ADAMTSL1: variants seen among roughly 807,000 people sequenced by gnomAD.
ADAMTSL1 encodes ADAMTS-like protein 1.
A neutral mutation model predicts 201.8 loss-of-function variants in ADAMTSL1; 126 were observed. The observed-to-expected ratio is 0.62, with a 90% CI of 0.54 to 0.72. The LOEUF (loss-of-function observed/expected upper bound fraction) is 0.72. ADAMTSL1 is among the 30% of genes least tolerant of loss of function. The pLI is 0.00. For synonymous variants in ADAMTSL1, 1,121 were observed against 903.4 expected (o/e 1.24, Z -4.32); for missense variants, 2,679 against 2,277.8 (o/e 1.18, Z -3.59).
intron 20 of ADAMTSL1, among the ~76,000 whole-genome samples, chr9:18,814,824 T>A (rs1411276773): frequency 6.6e-6 from 1 of 152,132 alleles, no homozygotes; most frequent in Admixed American, 6.5e-5. Context: ...CAAACCCCCA[T>A]GACACAAGGT....
intron 2 of ADAMTSL1, among the ~76,000 whole-genome samples, chr9:18,204,770 C>A (rs1434667696): frequency 6.6e-6 from 1 of 152,070 alleles, no homozygotes; most frequent in Non-Finnish European, 1.5e-5. Context: ...CAATTAGAGG[C>A]TATCCAAAGG....
chr9:18,402,080 G>A (rs530778386), intron 2 of ADAMTSL1, among the ~76,000 whole-genome samples: 20 of 152,144 alleles, frequency 1.3e-4, no homozygotes, highest in Admixed American at 1.2e-3. Flanking sequence ...AGTTATCACC[G>A]AAATCTCTGC....
At chr9:18,595,977 CT>C (rs1329464362) in intron 4 of ADAMTSL1, among the ~76,000 whole-genome samples, 1 of 152,164 alleles carries the variant, frequency 6.6e-6, no homozygotes, top group East Asian at 1.9e-4. Flanking sequence ...AACAGAGAGA[CT>C]TTTTACTGTG....
chr9:18,834,920 G>A (rs1040063096), intron 23 of ADAMTSL1, among the ~76,000 whole-genome samples: 1 of 152,182 alleles, frequency 6.6e-6, no homozygotes, highest in Non-Finnish European at 1.5e-5. Flanking sequence ...CAAATCTGCT[G>A]TGAAATTCAT....
At chr9:18,732,582 C>G (rs1418224058) in intron 15 of ADAMTSL1, among the ~76,000 whole-genome samples, 1 of 152,034 alleles carries the variant, frequency 6.6e-6, no homozygotes. Context: ...CGCTGTGTCC[C>G]GATGGCCAGA....
chr9:18,057,049 A>G (rs1375403557), intron 1 of ADAMTSL1, among the ~76,000 whole-genome samples: 1 of 152,218 alleles, frequency 6.6e-6, no homozygotes, highest in Non-Finnish European at 1.5e-5. Flanking sequence ...GGGCATCTGG[A>G]AACATCCAGC....
intron 1 of ADAMTSL1, among the ~76,000 whole-genome samples, chr9:18,068,187 A>T (rs1179071130): frequency 6.6e-6 from 1 of 152,148 alleles, no homozygotes; most frequent in African/African-American, 2.4e-5. Context: ...GTTTATTAAG[A>T]TAGCAGCTCT....
intron 1 of ADAMTSL1, among the ~76,000 whole-genome samples, chr9:18,058,740 T>C (rs1193319394): frequency 1.3e-5 from 2 of 152,182 alleles, no homozygotes; most frequent in African/African-American, 4.8e-5. Flanking sequence ...TAAAACATTT[T>C]GTCTGTACAT....
At chr9:18,179,857 A>C (rs1458258104) in intron 2 of ADAMTSL1, among the ~76,000 whole-genome samples, 1 of 152,170 alleles carries the variant, frequency 6.6e-6, no homozygotes, top group Non-Finnish European at 1.5e-5. Flanking sequence ...GCCTGCCCTA[A>C]AAGAGCTCCT....
At chr9:18,743,181 C>T (rs533031499) in intron 15 of ADAMTSL1, among the ~76,000 whole-genome samples, 34 of 152,226 alleles carry the variant, frequency 2.2e-4, no homozygotes, top group Non-Finnish European at 4.6e-4. Context: ...AAATCAAGCT[C>T]TGTGTAGGTG....
intron 1 of ADAMTSL1, among the ~76,000 whole-genome samples, chr9:18,481,407 T>A (rs1204104796): frequency 2.0e-5 from 3 of 152,048 alleles, no homozygotes; most frequent in Non-Finnish European, 4.4e-5. Flanking sequence ...TAGCTGGGCA[T>A]GGTGGCAGGC....
At chr9:18,368,148 C>T (rs1314895758) in intron 2 of ADAMTSL1, among the ~76,000 whole-genome samples, 1 of 151,974 alleles carries the variant, frequency 6.6e-6, no homozygotes, top group East Asian at 1.9e-4. Flanking sequence ...ATCTCCTGAC[C>T]TCGTGATCCG....
chr9:18,261,479 T>A (rs1400193235), intron 2 of ADAMTSL1, among the ~76,000 whole-genome samples: 1 of 152,228 alleles, frequency 6.6e-6, no homozygotes, highest in Non-Finnish European at 1.5e-5. Context: ...ACACAACATG[T>A]GAATTCTAAG....
At chr9:18,646,528 G>C (rs1326443148) in intron 7 of ADAMTSL1, among the ~76,000 whole-genome samples, 1 of 148,580 alleles carries the variant, frequency 6.7e-6, no homozygotes, top group Non-Finnish European at 1.5e-5. Context: ...CTGTGGGTTT[G>C]TCACAGATAG....
intron 23 of ADAMTSL1, among the ~76,000 whole-genome samples, chr9:18,831,762 G>A (rs1824992879): frequency 6.6e-6 from 1 of 152,144 alleles, no homozygotes; most frequent in Non-Finnish European, 1.5e-5. Context: ...GTAACTGCCT[G>A]GACCAAATGA....
At chr9:18,551,723 T>C (rs1820810671) in intron 3 of ADAMTSL1, among the ~76,000 whole-genome samples, 1 of 151,792 alleles carries the variant, frequency 6.6e-6, no homozygotes. Context: ...AGGGTCGTCG[T>C]GAGGATTTCA....
At chr9:18,540,487 G>A (rs1451330598) in intron 3 of ADAMTSL1, among the ~76,000 whole-genome samples, 1 of 152,154 alleles carries the variant, frequency 6.6e-6, no homozygotes, top group Non-Finnish European at 1.5e-5. Context: ...ATGTTTGGAA[G>A]GTGAGGCATG....
chr9:18,004,492 C>T (rs1000129530), intron 1 of ADAMTSL1, among the ~76,000 whole-genome samples: 1 of 152,014 alleles, frequency 6.6e-6, no homozygotes, highest in African/African-American at 2.4e-5. Flanking sequence ...CGGGGACCTG[C>T]CACATGCCAA....
chr9:18,349,933 TAC>T (rs748388774), intron 2 of ADAMTSL1, among the ~76,000 whole-genome samples: 79 of 149,710 alleles, frequency 5.3e-4, no homozygotes, highest in Middle Eastern at 6.8e-3. Flanking sequence ...AAACAGCCAT[TAC>T]TTTTGCACCA....
Sources: allele counts gnomAD v4.1 joint callset (sites outside exome capture counted in the v4.1 genomes callset), GRCh38; gene constraint gnomAD v4.1.1; transcripts MANE v1.5; gene names NCBI Gene and HGNC (gene_info 2026-07-23, HGNC 2026-07-21).